The following SCFD2 variants were observed in gnomAD, a reference collection of about 807,000 sequenced individuals.
SCFD2 encodes the protein sec1 family domain containing 2.
In SCFD2, 54 loss-of-function variants were observed where a neutral mutation model predicts 58.9. That is an observed-to-expected ratio of 0.92 (90% confidence interval 0.74 to 1.15). The LOEUF is 1.15. Ranked by LOEUF, SCFD2 falls within the 50% of genes most tolerant of loss-of-function variation. The pLI is 0.00. For missense variants in SCFD2, 805 were observed against 836.6 expected (o/e 0.96, Z 0.47); for synonymous variants, 321 against 335.9 (o/e 0.96, Z 0.49).
chr4:53,145,799 C>T (rs1163826227), intron 4 of SCFD2, among the ~76,000 whole-genome samples: 1 of 151,864 alleles, frequency 6.6e-6, no homozygotes, highest in African/African-American at 2.4e-5. Context: ...AATGGCCAGT[C>T]AAGTTGTAGG....
At chr4:53,211,707 AAAT>A (rs1399537769) in intron 4 of SCFD2, among the ~76,000 whole-genome samples, 2 of 152,244 alleles carry the variant, frequency 1.3e-5, no homozygotes, top group African/African-American at 4.8e-5. Context: ...ATTTGGTCAC[AAAT>A]GTCTTCTTCT....
At chr4:52,891,098 A>G (rs1718869037) in intron 7 of SCFD2, among the ~76,000 whole-genome samples, 1 of 152,134 alleles carries the variant, frequency 6.6e-6, no homozygotes, top group African/African-American at 2.4e-5. Context: ...TTGACACTGA[A>G]GTTGGGCCTT....
chr4:53,356,751 TG>T lies in SCFD2; in HGVS notation c.839-3986del, dbSNP rs1389242598. Among the ~76,000 whole-genome samples, 838 of 145,382 alleles carry T rather than the reference TG, an allele frequency of 5.8e-3. 31 individuals are homozygous for T. Among genetic ancestry groups the T allele is most frequent in the African/African-American group, 0.018 (720 of 39,486 alleles). ...GTAGACTTTTTTTTTTTTTTTTTTTTGTTGAGACATAGTCTTGCTCTGTCAC... is the reference window on the plus strand; with the variant it reads ...GTAGACTTTTTTTTTTTTTTTTTTTTTTGAGACATAGTCTTGCTCTGTCAC... On this transcript the variant is annotated intron_variant, in intron 1 of 8. Coordinates refer to ENST00000401642, the MANE Select transcript of SCFD2 (RefSeq NM_152540.4).
intron 5 of SCFD2, among the ~76,000 whole-genome samples, chr4:52,960,117 C>T (rs73250917): frequency 0.22 from 33,787 of 152,032 alleles, 4,503 homozygotes; most frequent in Admixed American, 0.35. Context: ...TCAGTCTTTC[C>T]CCCAACTTAC....
At chr4:53,299,677 A>G (rs1216294418) in intron 3 of SCFD2, among the ~76,000 whole-genome samples, 4 of 152,196 alleles carry the variant, frequency 2.6e-5, no homozygotes, top group Admixed American at 6.5e-5. Flanking sequence ...GAAGGAAAAA[A>G]TGTTCAGGGC....
At chr4:53,002,874 C>T (rs1486153522) in intron 5 of SCFD2, among the ~76,000 whole-genome samples, 1 of 152,160 alleles carries the variant, frequency 6.6e-6, no homozygotes, top group African/African-American at 2.4e-5. Context: ...AGGGAGACCT[C>T]AGGGAGCTTT....
At chr4:53,288,179 C>A (rs1378718741) in intron 3 of SCFD2, among the ~76,000 whole-genome samples, 3 of 151,980 alleles carry the variant, frequency 2.0e-5, no homozygotes, top group Non-Finnish European at 4.4e-5. Context: ...GAAGACAGTT[C>A]TTTTGAAATA....
At chr4:53,082,482 T>A (rs1205133763) in intron 5 of SCFD2, among the ~76,000 whole-genome samples, 1 of 152,170 alleles carries the variant, frequency 6.6e-6, no homozygotes, top group African/African-American at 2.4e-5. Context: ...ATGCACCTAC[T>A]GGTTATCTTC....
intron 5 of SCFD2, among the ~76,000 whole-genome samples, chr4:52,968,684 T>C (rs1721020941): frequency 6.6e-6 from 1 of 152,112 alleles, no homozygotes; most frequent in African/African-American, 2.4e-5. Context: ...CAAGACAGAA[T>C]TGGACAGGTA....
In SCFD2 at chr4:52,922,904, A is replaced by G. The variant is rs141706839; in HGVS notation, c.1562-2034T>C. Among the ~76,000 whole-genome samples the G allele has an allele frequency of 5.8e-3, 879 of 152,342 alleles. 15 individuals are homozygous for G. The highest frequency in any genetic ancestry group is 0.02 in the African/African-American group (834 of 41,572). ...CTATCTTCTTAATTATAGCTATCCT[A>G]GTAGATGTAAAGTGAGGATACACGT... On this transcript the variant is annotated intron_variant, in intron 5 of 8. Coordinates refer to ENST00000401642, the MANE Select transcript of SCFD2 (RefSeq NM_152540.4).
intron 4 of SCFD2, among the ~76,000 whole-genome samples, chr4:53,200,512 G>C (rs1728197422): frequency 6.6e-6 from 1 of 152,068 alleles, no homozygotes; most frequent in Non-Finnish European, 1.5e-5. Flanking sequence ...TATAAGCACT[G>C]TCTCTACAAC....
chr4:53,181,404 C>A (rs1224497781), intron 4 of SCFD2, among the ~76,000 whole-genome samples: 4 of 152,112 alleles, frequency 2.6e-5, no homozygotes, highest in African/African-American at 4.8e-5. Flanking sequence ...AAGACAAAAA[C>A]CACATGATTA....
At chr4:53,242,131 C>A (rs1033901116) in intron 4 of SCFD2, among the ~76,000 whole-genome samples, 1 of 152,258 alleles carries the variant, frequency 6.6e-6, no homozygotes, top group African/African-American at 2.4e-5. Flanking sequence ...AAGCATGTAG[C>A]CTGCTGCACT....
chr4:53,331,530 G>C (rs1400343863), intron 2 of SCFD2, among the ~76,000 whole-genome samples: 2 of 152,170 alleles, frequency 1.3e-5, no homozygotes, highest in African/African-American at 4.8e-5. Context: ...CAGCAATAAA[G>C]ATGTTCTTTG....
At chr4:53,084,790 T>C (rs1724257647) in intron 5 of SCFD2, among the ~76,000 whole-genome samples, 2 of 152,162 alleles carry the variant, frequency 1.3e-5, no homozygotes, top group South Asian at 4.1e-4. Context: ...AAGAAAAAAA[T>C]ATGATCATTT....
intron 2 of SCFD2, among the ~76,000 whole-genome samples, chr4:53,326,129 T>A (rs974578095): frequency 9.9e-5 from 15 of 151,722 alleles, no homozygotes; most frequent in Non-Finnish European, 2.1e-4. Flanking sequence ...TTATTTAAAA[T>A]TTTATTTATT....
At chr4:53,089,261 G>A (rs929307434) in intron 5 of SCFD2, among the ~76,000 whole-genome samples, 1 of 152,114 alleles carries the variant, frequency 6.6e-6, no homozygotes, top group Non-Finnish European at 1.5e-5. Flanking sequence ...AGTTTTAAGA[G>A]TTCCTTATCT....
intron 5 of SCFD2, among the ~76,000 whole-genome samples, chr4:52,998,801 CAAT>C (rs1429844586): frequency 6.6e-6 from 1 of 151,982 alleles, no homozygotes; most frequent in Non-Finnish European, 1.5e-5. Flanking sequence ...GAGTAATAAT[CAAT>C]AATAATAATA....
At chr4:53,056,999 A>G (rs1391180516) in intron 5 of SCFD2, among the ~76,000 whole-genome samples, 1 of 152,280 alleles carries the variant, frequency 6.6e-6, no homozygotes. Flanking sequence ...CCTGGCCAAC[A>G]TGGTGAAACT....
Sources: allele counts gnomAD v4.1 joint callset (sites outside exome capture counted in the v4.1 genomes callset), GRCh38; gene constraint gnomAD v4.1.1; transcripts MANE v1.5; gene names NCBI Gene and HGNC (gene_info 2026-07-23, HGNC 2026-07-21).